The following FAM114A2 variants were observed in gnomAD, a reference collection of about 807,000 sequenced individuals.
FAM114A2 encodes protein FAM114A2.
Under a neutral mutation model 58.4 loss-of-function variants are expected in FAM114A2, and 53 were observed. That is an observed-to-expected ratio of 0.91 (90% confidence interval 0.73 to 1.14). The LOEUF is 1.14. Ranked by LOEUF, FAM114A2 falls within the 50% of genes most tolerant of loss-of-function variation. FAM114A2 has a pLI of 0.00. For synonymous variants in FAM114A2, 228 were observed against 211.4 expected (o/e 1.08, Z -0.68); for missense variants, 601 against 581.1 (o/e 1.03, Z -0.35).
chr5:154,006,950 C>A (rs1770392167), intron 9 of FAM114A2, among the ~76,000 whole-genome samples: 2 of 152,070 alleles, frequency 1.3e-5, no homozygotes. Context: ...GCACCTGCCA[C>A]TGCGCCTGAC....
intron 8 of FAM114A2, among the ~76,000 whole-genome samples, chr5:154,021,825 A>G (rs1458753115): frequency 6.6e-6 from 1 of 152,208 alleles, no homozygotes; most frequent in Non-Finnish European, 1.5e-5. Flanking sequence ...ACCAAAAAAG[A>G]GCCCGCATTG....
rs560552173 is a variant in FAM114A2 at position 153,998,017 on chromosome 5, C to T, written c.1257-142G>A. ...CTTTTCAAGGGAGTAAATACAGTAT[C>T]CCCCCCTTATCTGTGGTTTCACTTT... On this transcript the variant is annotated intron_variant, in intron 11 of 13. Transcript: ENST00000351797. 11 of 511,744 alleles carry T rather than the reference C, an allele frequency of 2.1e-5. No homozygotes were observed. The South Asian group carries it at 3.8e-4, about 18-fold the overall frequency. The allele number at this position is 511,744 out of a possible 1,614,324, so 31.7% of individuals were successfully genotyped here.
chr5:154,003,134 T>A (rs141485051), intron 9 of FAM114A2, among the ~76,000 whole-genome samples, 165 bp from the exon 10 acceptor site: 1 of 151,948 alleles, frequency 6.6e-6, no homozygotes, highest in South Asian at 2.1e-4. Flanking sequence ...GCAATACTTA[T>A]CACTGTGGTC....
chr5:154,038,368 T>C (rs767189936), intron 1 of FAM114A2: 1 of 152,236 alleles, frequency 6.6e-6, no homozygotes, highest in Non-Finnish European at 1.5e-5. Flanking sequence ...CCTGCAGCGA[T>C]TGTGGGGAAG....
At chr5:153,996,568 TTAA>T (rs2113176031) in intron 12 of FAM114A2, among the ~76,000 whole-genome samples, 1 of 72,616 alleles carries the variant, frequency 1.4e-5, no homozygotes, top group Admixed American at 1.5e-4. Flanking sequence ...ACTAGGAAAA[TTAA>T]AAAAAAAAAA....
intron 8 of FAM114A2, among the ~76,000 whole-genome samples, chr5:154,016,759 GAAT>G (rs779246374): frequency 2.6e-5 from 4 of 151,302 alleles, no homozygotes; most frequent in African/African-American, 4.9e-5. Flanking sequence ...ACAGCACAAT[GAAT>G]GGAATGGTGC....
intron 6 of FAM114A2, 144 bp downstream of exon 6, chr5:154,028,005 A>G: frequency 1.6e-6 from 1 of 638,362 alleles, no homozygotes; most frequent in South Asian, 2.6e-5. Flanking sequence ...GCTCTCACCC[A>G]TCCCTGATCC....
chr5:154,002,165 TGA>T (rs895662700), intron 11 of FAM114A2, 84 bp downstream of exon 11: 10 of 1,317,208 alleles, frequency 7.6e-6, no homozygotes, highest in East Asian at 2.3e-5. Context: ...AATGGTTTCT[TGA>T]GAGAGACGTT....
intron 13 of FAM114A2, among the ~76,000 whole-genome samples, chr5:153,994,078 A>ACC (rs1561536612): frequency 6.6e-6 from 1 of 152,210 alleles, no homozygotes; most frequent in East Asian, 1.9e-4. Context: ...TCACAAACTT[A>ACC]TATTTTTAAA....
At position 153,994,902 on chromosome 5, in the gene FAM114A2, T is replaced by TA; in HGVS notation, c.1383+16dup. Reference sequence around the variant, plus strand: ...CGTAATACCTTTGGAGTCAGAGACTTAAAAACAATTACTAACCTCTAGAAA... The same window carrying TA: ...CGTAATACCTTTGGAGTCAGAGACTTAAAAAACAATTACTAACCTCTAGAAA... On this transcript the variant is annotated intron_variant, in intron 13 of 13. Coordinates refer to ENST00000351797, the MANE Select transcript of FAM114A2 (RefSeq NM_018691.4). 1 of 1,558,308 alleles carries TA rather than the reference T, an allele frequency of 6.4e-7. No homozygotes were observed. The highest frequency in any genetic ancestry group is 1.7e-4 in the Middle Eastern group (1 of 5,978).
Position 153,995,015 on chromosome 5 carries a change from A to G in FAM114A2, c.1330-43T>C, listed in dbSNP as rs368108115. The G allele has an allele frequency of 8.5e-5, 112 of 1,310,358 alleles. 1 individual carries two copies. The highest frequency in any genetic ancestry group is 5.4e-4 in the Middle Eastern group (3 of 5,546). 81.2% of individuals were successfully genotyped at this position (1,310,358 alleles called of 1,614,324 possible). A position where few individuals can be genotyped will look rare whatever the true frequency, so the allele number is the denominator to read the frequency against. On this transcript the variant is annotated intron_variant, in intron 12 of 13. Coordinates refer to ENST00000351797, the MANE Select transcript of FAM114A2 (RefSeq NM_018691.4). ...TTTTTAAGTGAGCAGAGTAGGTTAA[A>G]TAACAGTAAGTGGAGTACGATCACA...
At chr5:154,001,157 TATATAC>T (rs1435610789) in intron 11 of FAM114A2, among the ~76,000 whole-genome samples, 3 of 152,204 alleles carry the variant, frequency 2.0e-5, no homozygotes, top group Non-Finnish European at 2.9e-5. Flanking sequence ...AGGGGGAGAC[TATATAC>T]ATATACATAT....
chr5:154,027,425 T>A, intron 6 of FAM114A2, 91 bp from the exon 7 acceptor site: 1 of 1,136,262 alleles, frequency 8.8e-7, no homozygotes, highest in Non-Finnish European at 1.2e-6. Flanking sequence ...TTAGACAGGT[T>A]AGAGTACAGA....
At chr5:154,010,460 A>G (rs1388923315) in intron 9 of FAM114A2, among the ~76,000 whole-genome samples, 1 of 152,198 alleles carries the variant, frequency 6.6e-6, no homozygotes, top group Non-Finnish European at 1.5e-5. Flanking sequence ...CACACCAAAC[A>G]TCATAGTTTT....
chr5:154,002,450 C>T (rs1561544531), intron 10 of FAM114A2, 60 bp from the exon 11 acceptor site: 14 of 1,547,148 alleles, frequency 9.0e-6, no homozygotes, highest in Non-Finnish European at 1.2e-5. Context: ...AAGATACCAC[C>T]TTACTTCTCT....
intron 11 of FAM114A2, among the ~76,000 whole-genome samples, chr5:154,001,532 A>T (rs1769971988): frequency 6.6e-6 from 1 of 152,204 alleles, no homozygotes; most frequent in South Asian, 2.1e-4. Context: ...TGGTGCAAGT[A>T]AAGAGGAAGT....
At chr5:154,013,731 T>C (rs1281925057) in intron 8 of FAM114A2, among the ~76,000 whole-genome samples, 1 of 152,214 alleles carries the variant, frequency 6.6e-6, no homozygotes, top group South Asian at 2.1e-4. Context: ...AGGACTGTCA[T>C]GTCAAGGCTT....
chr5:154,013,033 T>C (rs1049309803), intron 8 of FAM114A2, among the ~76,000 whole-genome samples: 4 of 151,310 alleles, frequency 2.6e-5, no homozygotes, highest in Admixed American at 2.0e-4. Context: ...TATATTCACA[T>C]ATAATTTATA....
intron 11 of FAM114A2, among the ~76,000 whole-genome samples, chr5:154,001,715 CAATAA>C (rs1769986521): frequency 6.6e-6 from 1 of 152,046 alleles, no homozygotes; most frequent in Non-Finnish European, 1.5e-5. Flanking sequence ...TACAAATCAG[CAATAA>C]AATGAGAAAA....
Sources: allele counts gnomAD v4.1 joint callset (sites outside exome capture counted in the v4.1 genomes callset), GRCh38; gene constraint gnomAD v4.1.1; transcripts MANE v1.5; gene names NCBI Gene and HGNC (gene_info 2026-07-23, HGNC 2026-07-21).